The following MYO3A variants were observed in gnomAD, a reference collection of about 807,000 sequenced individuals.
MYO3A encodes the protein myosin-IIIa.
A neutral mutation model predicts 192.7 loss-of-function variants in MYO3A; 180 were observed. The observed-to-expected ratio is 0.93, with a 90% CI of 0.83 to 1.06. The LOEUF (loss-of-function observed/expected upper bound fraction) is 1.06. MYO3A is among the 50% of genes least tolerant of loss of function. The probability of loss-of-function intolerance (pLI) is 0.00; values close to 1 mark genes in which losing one functional copy is unlikely to be tolerated. For synonymous variants in MYO3A, 628 were observed against 645.3 expected (o/e 0.97, Z 0.41); for missense variants, 1,896 against 1,905.0 (o/e 1.00, Z 0.09).
rs1474256556 is a variant in MYO3A, at chr10:26,070,386, G to T, written c.1344G>T (p.Leu448=). ...TENAHLLVQQ[L]TVLGKANNRT... ...ATGCTCATCTTTTAGTTCAGCAGCT[G>T]ACAGTGCTTGGAAAGGTATAATTTA... Residue 448 remains leucine (L), a synonymous_variant, in exon 14 of 35, where the codon CTG becomes CTT. Coordinates refer to ENST00000642920, the MANE Select transcript of MYO3A (RefSeq NM_017433.5). 3.7e-6 allele frequency: 6 copies of T among 1,612,852 alleles called. No homozygotes were observed. Among genetic ancestry groups the T allele is most frequent in the Non-Finnish European group, 5.1e-6 (6 of 1,179,244 alleles).
intron 32 of MYO3A, among the ~76,000 whole-genome samples, chr10:26,195,461 A>T (rs768891063): frequency 2.6e-5 from 4 of 152,092 alleles, no homozygotes; most frequent in African/African-American, 4.8e-5. Flanking sequence ...TGTATTTCTA[A>T]AATTAATATC....
chr10:25,966,425 A>G (rs1838272243), intron 4 of MYO3A, among the ~76,000 whole-genome samples: 1 of 152,200 alleles, frequency 6.6e-6, no homozygotes. Context: ...TTTAAAGCTA[A>G]ATTTAAAAGT....
intron 2 of MYO3A, among the ~76,000 whole-genome samples, chr10:25,944,813 G>A (rs963061262): frequency 1.3e-5 from 2 of 151,858 alleles, no homozygotes; most frequent in Non-Finnish European, 2.9e-5. Context: ...CTGCTTAAAG[G>A]TTTTAAAGGT....
chr10:25,999,799 C>T (rs1419103553), intron 6 of MYO3A, among the ~76,000 whole-genome samples: 5 of 152,160 alleles, frequency 3.3e-5, no homozygotes, highest in Admixed American at 1.3e-4. Context: ...CTTAGAAAGT[C>T]GCCCACATCT....
chr10:26,155,728 T>G (rs1163315417), intron 25 of MYO3A, among the ~76,000 whole-genome samples: 1 of 152,248 alleles, frequency 6.6e-6, no homozygotes, highest in East Asian at 1.9e-4. Flanking sequence ...ATTTATATGC[T>G]TAATACCTGA....
Position 26,153,935 on chromosome 10 carries a change from A to C in MYO3A, c.2715+6A>C. Reference sequence around the variant, plus strand: ...AATTAATCAACCTGGCAAAGGTAAGAAAATGCTTTTTTTCTTGGCAGTGAG... The same window carrying C: ...AATTAATCAACCTGGCAAAGGTAAGCAAATGCTTTTTTTCTTGGCAGTGAG... On this transcript the variant is annotated splice_donor_region_variant and intron_variant, in intron 24 of 34. Transcript: ENST00000642920. The C allele has an allele frequency of 6.4e-7, 1 of 1,573,284 alleles. No homozygotes were observed. The highest frequency in any genetic ancestry group is 8.7e-7 in the Non-Finnish European group (1 of 1,143,346).
chr10:26,051,643 G>A (rs1171018845), intron 10 of MYO3A, among the ~76,000 whole-genome samples: 3 of 149,838 alleles, frequency 2.0e-5, no homozygotes, highest in African/African-American at 7.3e-5. Flanking sequence ...AAATTATTTT[G>A]TGACCCACAG....
chr10:26,049,301 A>G (rs1345341221), intron 10 of MYO3A, among the ~76,000 whole-genome samples: 1 of 152,214 alleles, frequency 6.6e-6, no homozygotes, highest in African/African-American at 2.4e-5. Context: ...AAGGGTATTA[A>G]CCAGGCAGTC....
At chr10:26,194,056 G>A (rs917827456) in intron 32 of MYO3A, among the ~76,000 whole-genome samples, 2 of 152,234 alleles carry the variant, frequency 1.3e-5, no homozygotes, top group Admixed American at 6.5e-5. Context: ...TGATCCATCA[G>A]TGGCTCTAAC....
At chr10:26,061,010 G>T (rs1834435315) in intron 10 of MYO3A, among the ~76,000 whole-genome samples, 1 of 151,848 alleles carries the variant, frequency 6.6e-6, no homozygotes, top group Middle Eastern at 3.2e-3. Flanking sequence ...CTCACTGCAA[G>T]CTCCGCCTCC....
intron 4 of MYO3A, among the ~76,000 whole-genome samples, chr10:25,969,085 A>G (rs1312338366): frequency 6.6e-6 from 1 of 152,124 alleles, no homozygotes; most frequent in East Asian, 1.9e-4. Context: ...TAAAAATACA[A>G]AAAATTAGCC....
At chr10:26,032,966 A>G (rs1408699089) in intron 10 of MYO3A, among the ~76,000 whole-genome samples, 1 of 152,234 alleles carries the variant, frequency 6.6e-6, no homozygotes, top group Non-Finnish European at 1.5e-5. Context: ...TCTGATAACT[A>G]TGTTTTCAAT....
chr10:26,118,196 T>C (rs1313351642), intron 17 of MYO3A, among the ~76,000 whole-genome samples: 3 of 152,094 alleles, frequency 2.0e-5, no homozygotes, highest in African/African-American at 4.8e-5. Context: ...GTTTTTTTTT[T>C]CCTAAGGCCT....
intron 2 of MYO3A, among the ~76,000 whole-genome samples, chr10:25,950,803 T>G (rs1837162051): frequency 6.6e-6 from 1 of 152,090 alleles, no homozygotes; most frequent in Non-Finnish European, 1.5e-5. Flanking sequence ...AAGGTGAAAG[T>G]TGTGAGTGTG....
At chr10:26,152,233 G>T (rs1164224192) in intron 23 of MYO3A, among the ~76,000 whole-genome samples, 1 of 152,204 alleles carries the variant, frequency 6.6e-6, no homozygotes, top group Non-Finnish European at 1.5e-5. Context: ...TATTCACCCA[G>T]ATGTGCAAAC....
chr10:26,205,077 T>C (rs1479676581), intron 34 of MYO3A, among the ~76,000 whole-genome samples: 3 of 152,194 alleles, frequency 2.0e-5, no homozygotes, highest in Non-Finnish European at 2.9e-5. Flanking sequence ...CGAGAGGGTG[T>C]AAGTCTGGGA....
intron 17 of MYO3A, among the ~76,000 whole-genome samples, chr10:26,113,476 C>CAAAAAAAAAAAAAAAAAA (rs5783961): frequency 7.2e-6 from 1 of 138,168 alleles, no homozygotes; most frequent in Non-Finnish European, 1.5e-5. Flanking sequence ...CTCAAAAAAA[C>CAAAAAAAAAAAAAAAAAA]AAAAAAAAAA....
chr10:26,124,367 A>G (rs2131725465), intron 18 of MYO3A, among the ~76,000 whole-genome samples: 1 of 152,258 alleles, frequency 6.6e-6, no homozygotes, highest in African/African-American at 2.4e-5. Context: ...AATATTATGC[A>G]GCAAATTAAA....
intron 17 of MYO3A, among the ~76,000 whole-genome samples, chr10:26,098,584 T>G (rs988434366): frequency 6.6e-6 from 1 of 152,234 alleles, no homozygotes; most frequent in Non-Finnish European, 1.5e-5. Flanking sequence ...GAATTAATTT[T>G]TGTATAAGGT....
Sources: gnomAD v4.1 joint callset for allele counts (sites outside exome capture counted in the v4.1 genomes callset) on GRCh38, gnomAD v4.1.1 for gene constraint, MANE v1.5 for transcripts, NCBI Gene and HGNC (gene_info 2026-07-23, HGNC 2026-07-21) for gene names.